CNBD1: variants seen among roughly 807,000 people sequenced by gnomAD.
CNBD1 encodes cyclic nucleotide binding domain containing 1.
CNBD1 carries 71 observed loss-of-function variants against 54.4 expected under a neutral mutation model. That is an observed-to-expected ratio of 1.30 (90% confidence interval 1.08 to 1.59). CNBD1 has a LOEUF of 1.59. Among genes scored for constraint, CNBD1 ranks in the 40% most tolerant of loss-of-function variants. The pLI is 0.00. For synonymous variants in CNBD1, 182 were observed against 170.7 expected (o/e 1.07, Z -0.51); for missense variants, 659 against 518.0 (o/e 1.27, Z -2.64).
chr8:87,361,315 C>A (rs1810520261), intron 10 of CNBD1, among the ~76,000 whole-genome samples: 1 of 151,504 alleles, frequency 6.6e-6, no homozygotes, highest in African/African-American at 2.4e-5. Flanking sequence ...ATTTTATTTG[C>A]AAAGCTTGAC....
intron 1 of CNBD1, among the ~76,000 whole-genome samples, chr8:86,869,189 A>G (rs1341001147): frequency 1.3e-5 from 2 of 152,160 alleles, no homozygotes; most frequent in Non-Finnish European, 2.9e-5. Flanking sequence ...TTTTTAAGCC[A>G]CTAAGGCAGT....
chr8:87,288,722 C>T lies in CNBD1; in HGVS notation c.1042+2051C>T, dbSNP rs536620807. 7.9e-5 allele frequency among the ~76,000 whole-genome samples: 12 copies of T among 151,932 alleles called. No homozygotes were observed. In the East Asian group the frequency reaches 1.9e-3, roughly 25 times the overall value. ...TAAACGGTGGTGTTTGTTAAACTAC[C>T]GATAGCATTGGACAATCTGTGAGTC... On this transcript the variant is annotated intron_variant, in intron 8 of 10. Coordinates refer to ENST00000518476, the MANE Select transcript of CNBD1 (RefSeq NM_173538.3).
chr8:87,010,487 G>A (rs1378916595), intron 4 of CNBD1, among the ~76,000 whole-genome samples: 1 of 152,110 alleles, frequency 6.6e-6, no homozygotes, highest in Non-Finnish European at 1.5e-5. Context: ...GGTGGCTCAT[G>A]CCTGTAATGC....
chr8:87,312,927 G>A (rs923914778), intron 8 of CNBD1, among the ~76,000 whole-genome samples: 1 of 151,884 alleles, frequency 6.6e-6, no homozygotes, highest in Admixed American at 6.6e-5. Context: ...AGAAAAGTTG[G>A]GCATTTACAT....
chr8:87,149,573 G>A (rs1049178040), intron 4 of CNBD1, among the ~76,000 whole-genome samples: 1 of 152,108 alleles, frequency 6.6e-6, no homozygotes, highest in East Asian at 1.9e-4. Flanking sequence ...GATTCAGTTG[G>A]TGGCTACAGA....
At chr8:87,086,826 G>A (rs1811104648) in intron 4 of CNBD1, among the ~76,000 whole-genome samples, 1 of 152,048 alleles carries the variant, frequency 6.6e-6, no homozygotes. Flanking sequence ...CTTAAGGGAT[G>A]GCTAGGTAGA....
At chr8:86,868,461 G>A (rs574983245) in intron 1 of CNBD1, among the ~76,000 whole-genome samples, 1 of 152,004 alleles carries the variant, frequency 6.6e-6, no homozygotes, top group Non-Finnish European at 1.5e-5. Flanking sequence ...TCCTGCCTCA[G>A]CCTCTTGAGT....
intron 4 of CNBD1, among the ~76,000 whole-genome samples, chr8:87,051,235 G>C (rs1222340848): frequency 6.6e-6 from 1 of 152,146 alleles, no homozygotes; most frequent in South Asian, 2.1e-4. Flanking sequence ...TAGGGGAGGA[G>C]GGAATGCCTG....
intron 4 of CNBD1, among the ~76,000 whole-genome samples, chr8:87,144,797 G>C (rs1444494245): frequency 6.7e-6 from 1 of 148,194 alleles, no homozygotes; most frequent in Non-Finnish European, 1.5e-5. Context: ...TCCAGCCTGG[G>C]CAAGGAGAGC....
intron 4 of CNBD1, among the ~76,000 whole-genome samples, chr8:86,999,260 G>C (rs1540834): frequency 1.3e-5 from 2 of 152,182 alleles, no homozygotes; most frequent in Non-Finnish European, 2.9e-5. Flanking sequence ...TAAGAGAAAA[G>C]GCAGCCTTGG....
chr8:87,027,783 A>G (rs529680288), intron 4 of CNBD1, among the ~76,000 whole-genome samples: 6 of 152,366 alleles, frequency 3.9e-5, no homozygotes, highest in Non-Finnish European at 8.8e-5. Context: ...GCCAAACAGT[A>G]TCACAAAGAA....
At chr8:87,413,281 G>A (rs1807779141) in intron 2 of CNBD1, among the ~76,000 whole-genome samples, 1 of 152,042 alleles carries the variant, frequency 6.6e-6, no homozygotes, top group Non-Finnish European at 1.5e-5. Flanking sequence ...AGTGAGTTTT[G>A]GGGTCCCAAG....
At chr8:86,963,704 C>T (rs942264168) in intron 4 of CNBD1, among the ~76,000 whole-genome samples, 25 of 152,100 alleles carry the variant, frequency 1.6e-4, no homozygotes, top group East Asian at 3.9e-4. Flanking sequence ...AGAGAGGAGG[C>T]GGACCTAGGT....
chr8:87,343,457 C>G (rs1810108983), intron 8 of CNBD1, among the ~76,000 whole-genome samples: 1 of 152,220 alleles, frequency 6.6e-6, no homozygotes, highest in African/African-American at 2.4e-5. Context: ...GAAATCTTCA[C>G]AACTTAATTC....
At chr8:87,291,556 T>C (rs1421341176) in intron 8 of CNBD1, among the ~76,000 whole-genome samples, 1 of 152,102 alleles carries the variant, frequency 6.6e-6, no homozygotes, top group Non-Finnish European at 1.5e-5. Flanking sequence ...AGTTGTAGTG[T>C]TATAAAAAAA....
intron 4 of CNBD1, among the ~76,000 whole-genome samples, chr8:87,176,283 C>T (rs1032040599): frequency 1.3e-5 from 2 of 152,136 alleles, no homozygotes; most frequent in Admixed American, 6.5e-5. Context: ...GTGGGGCCAT[C>T]TTGCTCTCCC....
chr8:86,883,625 T>G (rs1393594544), intron 1 of CNBD1, among the ~76,000 whole-genome samples: 1 of 152,070 alleles, frequency 6.6e-6, no homozygotes. Context: ...AACTTCAGTA[T>G]CAAACATCAC....
intron 10 of CNBD1, among the ~76,000 whole-genome samples, chr8:87,378,144 G>T (rs1372427657): frequency 7.0e-6 from 1 of 142,098 alleles, no homozygotes; most frequent in Non-Finnish European, 1.5e-5. Flanking sequence ...CTGTGCAGAA[G>T]CTCTTTAGTT....
intron 6 of CNBD1, among the ~76,000 whole-genome samples, chr8:87,259,080 T>C: frequency 6.6e-6 from 1 of 152,180 alleles, no homozygotes; most frequent in South Asian, 2.1e-4. Flanking sequence ...TTCAGTAGTC[T>C]CAATTACATG....
Sources: allele counts gnomAD v4.1 joint callset (sites outside exome capture counted in the v4.1 genomes callset), GRCh38; gene constraint gnomAD v4.1.1; transcripts MANE v1.5; gene names NCBI Gene and HGNC (gene_info 2026-07-23, HGNC 2026-07-21).